Variants in RHOBTB2 observed in about 807,000 individuals in gnomAD.
RHOBTB2 encodes Rho related BTB domain containing 2.
In RHOBTB2, 39 loss-of-function variants were observed where a neutral mutation model predicts 66.5. That is an observed-to-expected ratio of 0.59 (90% CI 0.45 to 0.77). The LOEUF is 0.77. Among genes scored for constraint, RHOBTB2 ranks in the 30% least tolerant of loss-of-function variants. The pLI is 0.00. For synonymous variants in RHOBTB2, 390 were observed against 395.0 expected (o/e 0.99, Z 0.15); for missense variants, 755 against 999.1 (o/e 0.76, Z 3.29).
chr8:23,020,138 A>T lies in RHOBTB2; in HGVS notation c.*2669A>T, dbSNP rs190340015. Reference sequence around the variant, plus strand: ...GGAGACAAAAACCACACCTCTTTTTATATAAGGTTTCATATTTAATTTGGT... The same window carrying T: ...GGAGACAAAAACCACACCTCTTTTTTTATAAGGTTTCATATTTAATTTGGT... On this transcript the variant is annotated 3_prime_UTR_variant, in exon 10 of 10. Transcript: ENST00000251822. The T allele has an allele frequency of 1.3e-3, 521 of 387,050 alleles. 8 individuals are homozygous for T. Among genetic ancestry groups the T allele is most frequent in the Non-Finnish European group, 4.0e-4 (78 of 195,234 alleles). The allele number at this position is 387,050 out of a possible 1,614,324, so 24.0% of individuals were successfully genotyped here.
At position 23,017,706 on chromosome 8, in the gene RHOBTB2, C is replaced by T. The variant is rs942196968; in HGVS notation, c.*237C>T. The T allele has an allele frequency of 1.0e-5, 6 of 596,540 alleles. No individual in the cohort carries two copies. Among genetic ancestry groups the T allele is most frequent in the Non-Finnish European group, 1.7e-5 (6 of 344,616 alleles). 37.0% of individuals were successfully genotyped at this position (596,540 alleles called of 1,614,324 possible). ...AGACCCAAAGCAGGACGGGAGACAA[C>T]TGCTTGGAGGAGCGAAGAGCCCTGG... On this transcript the variant is annotated 3_prime_UTR_variant, in exon 10 of 10. Coordinates refer to ENST00000251822, the MANE Select transcript of RHOBTB2 (RefSeq NM_015178.3). This position sits in a 1 kb window ranked among gnomAD's most constrained non-coding sequence, Gnocchi z 5.3.
At chr8:22,972,966 A>C in the RHOBTB2 span, among the ~76,000 whole-genome samples, 1 of 152,102 alleles carries the variant, frequency 6.6e-6, no homozygotes, top group East Asian at 1.9e-4. Context: ...GCTCTCCACC[A>C]GGCCCCTGCG....
intron 6 of RHOBTB2, among the ~76,000 whole-genome samples, chr8:23,009,786 A>G (rs1811081815): frequency 6.6e-6 from 1 of 152,106 alleles, no homozygotes; most frequent in Non-Finnish European, 1.5e-5. Flanking sequence ...GGATTTGGAT[A>G]TACAAAATGT....
chr8:23,007,571 G>A lies in RHOBTB2; in HGVS notation c.1326G>A (p.Glu442=). 5.6e-6 allele frequency: 9 copies of A among 1,614,214 alleles called. No individual in the cohort carries two copies. The highest frequency in any genetic ancestry group is 1.3e-5 in the African/African-American group (1 of 75,048). Residue 442 remains glutamate, a synonymous_variant, in exon 5 of 10, where the codon GAG becomes GAA. Coordinates refer to ENST00000251822, the MANE Select transcript of RHOBTB2 (RefSeq NM_015178.3). The part of the protein sequence containing the change: ...YLYTGELDEN[E]RDLMHIAHIA... ...ACACGGGGGAGCTAGATGAGAACGA[G>A]CGTGACCTCATGCACATTGCCCACA...
intron 7 of RHOBTB2, among the ~76,000 whole-genome samples, chr8:23,011,650 G>T (rs938367228): frequency 1.3e-5 from 2 of 152,176 alleles, no homozygotes; most frequent in Non-Finnish European, 2.9e-5. Flanking sequence ...TGGTGCTCGT[G>T]GGGTGAAGGG....
chr8:22,997,016 G>A (rs1047613750), upstream of RHOBTB2, among the ~76,000 whole-genome samples: 2 of 152,152 alleles, frequency 1.3e-5, no homozygotes, highest in Admixed American at 1.3e-4. Context: ...GCCACAACTG[G>A]GGCACAGGCC....
At chr8:22,974,271 G>A in the RHOBTB2 span, among the ~76,000 whole-genome samples, 2 of 152,156 alleles carry the variant, frequency 1.3e-5, no homozygotes, top group African/African-American at 4.8e-5. Flanking sequence ...AGGAGAACTG[G>A]GCTCCCGTCA....
the RHOBTB2 span, among the ~76,000 whole-genome samples, chr8:22,963,527 C>T: frequency 8.1e-6 from 1 of 124,024 alleles, no homozygotes; most frequent in African/African-American, 2.6e-5. Flanking sequence ...CACAACTTAA[C>T]AAAGTGAAAA....
the RHOBTB2 span, among the ~76,000 whole-genome samples, chr8:22,957,091 C>G: frequency 2.0e-5 from 3 of 152,232 alleles, no homozygotes; most frequent in South Asian, 2.1e-4. Flanking sequence ...CTTTCATGAC[C>G]TTGACATTTT....
At chr8:22,990,600 C>T (rs553258999) in intron 1 of RHOBTB2, among the ~76,000 whole-genome samples, 1 of 152,312 alleles carries the variant, frequency 6.6e-6, no homozygotes, top group East Asian at 1.9e-4. Flanking sequence ...CTGTTGGCAC[C>T]TCCCAGAAGG....
At chr8:22,978,295 C>A in the RHOBTB2 span, among the ~76,000 whole-genome samples, 1 of 151,328 alleles carries the variant, frequency 6.6e-6, no homozygotes, top group Non-Finnish European at 1.5e-5. Context: ...AAAAAATACC[C>A]CAAAATACGG....
chr8:23,009,479 G>A (rs533870136), intron 6 of RHOBTB2, among the ~76,000 whole-genome samples: 15 of 152,218 alleles, frequency 9.9e-5, no homozygotes, highest in South Asian at 4.1e-4. Flanking sequence ...TGTAGTTAAC[G>A]AGGTTCGACT....
At chr8:23,001,955 T>C (rs1487661036) in intron 1 of RHOBTB2, among the ~76,000 whole-genome samples, 1 of 152,228 alleles carries the variant, frequency 6.6e-6, no homozygotes, top group African/African-American at 2.4e-5. Flanking sequence ...TGCTTAACTC[T>C]AGAGGTGACA....
At chr8:22,985,547 C>T (rs1304396260), upstream of RHOBTB2, among the ~76,000 whole-genome samples, 1 of 152,204 alleles carries the variant, frequency 6.6e-6, no homozygotes, top group Non-Finnish European at 1.5e-5. Flanking sequence ...AATTAGGAGG[C>T]TTTCCTCCTC....
At chr8:22,993,822 T>C (rs1176234404) in intron 2 of RHOBTB2, among the ~76,000 whole-genome samples, 1 of 152,212 alleles carries the variant, frequency 6.6e-6, no homozygotes, top group Non-Finnish European at 1.5e-5. Context: ...ACCTCTTCCC[T>C]GATCACTTCC....
chr8:23,005,888 G>A, intron 3 of RHOBTB2, 72 bp from the exon 4 acceptor site: 1 of 1,436,330 alleles, frequency 7.0e-7, no homozygotes, highest in Non-Finnish European at 9.7e-7. Context: ...GGGCTGGGGT[G>A]GGGCAGATGT....
the RHOBTB2 span, among the ~76,000 whole-genome samples, chr8:22,971,328 GCATGTGTCACTACGC>G: frequency 6.6e-6 from 1 of 150,456 alleles, no homozygotes; most frequent in African/African-American, 2.5e-5. Context: ...GCAGCTACCG[GCATGTGTCACTACGC>G]CCATCTATTT....
At chr8:23,003,116 G>GC (rs1049884620) in intron 1 of RHOBTB2, among the ~76,000 whole-genome samples, 4 of 152,130 alleles carry the variant, frequency 2.6e-5, no homozygotes, top group Non-Finnish European at 2.9e-5. Flanking sequence ...GGCTGCTAAA[G>GC]CCCCCCCAGA....
At position 23,006,544 on chromosome 8, in the gene RHOBTB2, C is replaced by A; in HGVS notation, c.483-184C>A. The A allele has an allele frequency of 1.6e-6, 1 of 633,496 alleles. No individual in the cohort carries two copies. The highest frequency in any genetic ancestry group is 2.7e-6 in the Non-Finnish European group (1 of 365,906). 39.2% of individuals were successfully genotyped at this position (633,496 alleles called of 1,614,324 possible). On this transcript the variant is annotated intron_variant, in intron 4 of 9. Coordinates refer to ENST00000251822, the MANE Select transcript of RHOBTB2 (RefSeq NM_015178.3). The surrounding 1 kb of genome is among the most constrained non-coding windows in gnomAD (Gnocchi z 6.1). ...GGCCTGGCATAGTAGGGAAAGCTTTCTGGAAGAAAAAGGGCTTGGAGTGGA... is the reference window on the plus strand; with the variant it reads ...GGCCTGGCATAGTAGGGAAAGCTTTATGGAAGAAAAAGGGCTTGGAGTGGA...
Sources: allele counts gnomAD v4.1 joint callset (sites outside exome capture counted in the v4.1 genomes callset), GRCh38; gene constraint gnomAD v4.1.1; non-coding constraint Gnocchi (gnomAD v3.1); transcripts MANE v1.5; gene names NCBI Gene and HGNC (gene_info 2026-07-23, HGNC 2026-07-21).